The following EP400 variants were observed in gnomAD, a reference collection of about 807,000 sequenced individuals.
The protein encoded by EP400 is E1A-binding protein p400.
EP400 carries 105 observed loss-of-function variants against 354.1 expected under a neutral mutation model. The observed-to-expected ratio is 0.30, with a 90% CI of 0.25 to 0.35. EP400 has a LOEUF of 0.35. EP400 is among the 10% of genes least tolerant of loss of function. The pLI is 1.00. For missense variants in EP400, 3,280 were observed against 4,121.0 expected (o/e 0.80, Z 5.59); for synonymous variants, 1,646 against 1,716.9 (o/e 0.96, Z 1.02).
At chr12:131,952,302 CAA>C (rs927214848) in intron 1 of EP400, among the ~76,000 whole-genome samples, 8,789 of 46,156 alleles carry the variant, frequency 0.19, 117 homozygotes, top group African/African-American at 0.26. Context: ...GACTCTGTCT[CAA>C]AAAAAAAAAA....
chr12:131,995,206 A>C (rs1222008156), intron 12 of EP400, among the ~76,000 whole-genome samples: 1 of 152,184 alleles, frequency 6.6e-6, no homozygotes, highest in African/African-American at 2.4e-5. Context: ...TGTACCGTTC[A>C]TCTTGAGTGT....
intron 45 of EP400, among the ~76,000 whole-genome samples, chr12:132,058,141 C>T (rs1895574634): frequency 6.6e-6 from 1 of 151,666 alleles, no homozygotes; most frequent in African/African-American, 2.4e-5. Flanking sequence ...GAATGCAGGG[C>T]CAGTCTTGTG....
Position 131,990,148 on chromosome 12 carries a change from G to C in EP400, c.2550+44G>C, listed in dbSNP as rs199509215. On this transcript the variant is annotated intron_variant, in intron 8 of 52. Coordinates refer to ENST00000389561, the MANE Select transcript of EP400 (RefSeq NM_015409.5). The surrounding 1 kb of genome is among the most constrained non-coding windows in gnomAD (Gnocchi z 4.2). ...ATGGGGTCGTAAGAATCAGTCTGTC[G>C]GAGCTGGTGAGGCCACTTCCCGAGA... The C allele has an allele frequency of 6.4e-7, 1 of 1,566,430 alleles. No homozygotes were observed. Among genetic ancestry groups the C allele is most frequent in the South Asian group, 1.2e-5 (1 of 84,088 alleles).
In EP400 at chr12:132,032,158, C is replaced by T. The variant is rs761007033; in HGVS notation, c.5951+9C>T. 2.7e-5 allele frequency: 43 copies of T among 1,608,106 alleles called. No individual in the cohort carries two copies. The highest frequency in any genetic ancestry group is 3.6e-5 in the Non-Finnish European group (42 of 1,176,140). On this transcript the variant is annotated intron_variant, in intron 30 of 52. Transcript: ENST00000389561. ...GACATCCACATATACAGGTGAGGGC[C>T]TGCGGGGGATAGGATCAGGAGATGC... is the stretch of plus-strand genomic sequence containing the variant.
Position 131,994,956 on chromosome 12 carries a change from G to A in EP400, c.2827G>A (p.Ala943Thr), listed in dbSNP as rs1186771119. 1.2e-6 allele frequency: 2 copies of A among 1,613,490 alleles called. No individual in the cohort carries two copies. The highest frequency in any genetic ancestry group is 1.1e-5 in the South Asian group (1 of 90,998). The stretch of plus-strand genomic sequence containing the variant: ...AGAACTTTCTAATTTAGCCAAGGAA[G>A]GTAGGCTGTTGCTACCTTATTAAAC... ...QTELSNLAKE[A>T]ELPLLDLMKL... The change falls in exon 12 of 53, where the codon GCT becomes ACT. Residue 943 changes from alanine to threonine, a missense_variant and splice_region_variant. By Grantham distance (58) the Ala-to-Thr change is moderately conservative (BLOSUM62 0). Coordinates refer to ENST00000389561, the MANE Select transcript of EP400 (RefSeq NM_015409.5). The surrounding 1 kb of genome is among the most constrained non-coding windows in gnomAD (Gnocchi z 4.6).
In EP400 at chr12:132,078,861, G is replaced by A. The variant is rs1896312376; in HGVS notation, c.*1188G>A. The A allele has an allele frequency of 1.3e-5, 2 of 152,156 alleles. No individual in the cohort carries two copies. Among genetic ancestry groups the A allele is most frequent in the South Asian group, 4.1e-4 (2 of 4,826 alleles). The allele number at this position is 152,156 out of a possible 1,614,324, so 9.4% of individuals were successfully genotyped here. On this transcript the variant is annotated 3_prime_UTR_variant, in exon 53 of 53. Coordinates refer to ENST00000389561, the MANE Select transcript of EP400 (RefSeq NM_015409.5). The stretch of plus-strand genomic sequence containing the variant: ...AAAACGAAGCCCAGTATTTGCTACT[G>A]TTTTTCCTTTTTTTACTATGACAGG...
Position 132,023,948 on chromosome 12 carries a change from A to G in EP400, c.4855+7A>G. The stretch of plus-strand genomic sequence containing the variant: ...CAGCCGCTGCAGCTGCAAGGTAAGG[A>G]TAAGGATGAGAGAGCACTGATGCCA... On this transcript the variant is annotated splice_region_variant and intron_variant, in intron 24 of 52. Coordinates refer to ENST00000389561, the MANE Select transcript of EP400 (RefSeq NM_015409.5). 6.3e-7 allele frequency: 1 copy of G among 1,597,936 alleles called. No homozygotes were observed. The highest frequency in any genetic ancestry group is 8.5e-7 in the Non-Finnish European group (1 of 1,171,840).
chr12:131,962,524 C>T lies in EP400; in HGVS notation c.1335+570C>T, dbSNP rs1891924230. On this transcript the variant is annotated intron_variant, in intron 2 of 52. Transcript: ENST00000389561. ...TTCATCATTAAAATAGTTATTATGG[C>T]AAAAAACTGTTTGAGAAGTTATTCA... is the stretch of plus-strand genomic sequence containing the variant. Among the ~76,000 whole-genome samples, 2 of 152,088 alleles carry T rather than the reference C, an allele frequency of 1.3e-5. 1 individual carries two copies. The highest frequency in any genetic ancestry group is 2.9e-5 in the Non-Finnish European group (2 of 68,018).
chr12:132,058,558 G>T (rs1895589805), intron 45 of EP400, among the ~76,000 whole-genome samples: 2 of 151,934 alleles, frequency 1.3e-5, no homozygotes, highest in African/African-American at 4.8e-5. Flanking sequence ...CACCATCTTG[G>T]CCTGGCTGGT....
intron 45 of EP400, among the ~76,000 whole-genome samples, chr12:132,057,624 C>T (rs929415071): frequency 4.6e-5 from 7 of 152,208 alleles, no homozygotes; most frequent in African/African-American, 1.2e-4. Flanking sequence ...CTAAAACACT[C>T]TTAAGCAGTA....
At chr12:131,960,216 TCA>T (rs1209855673) in intron 1 of EP400, among the ~76,000 whole-genome samples, 2 of 152,192 alleles carry the variant, frequency 1.3e-5, no homozygotes, top group African/African-American at 4.8e-5. Context: ...CTCCTGTAGC[TCA>T]GTCTCCTAGT....
In EP400 at chr12:132,037,997, T is replaced by G. The variant is rs1894772994; in HGVS notation, c.6108T>G (p.Asp2036Glu). The change falls in exon 32 of 53, where the codon GAT becomes GAG. Residue 2036 changes from aspartate to glutamate, a missense_variant. By Grantham distance (45) the Asp-to-Glu change is conservative. Coordinates refer to ENST00000389561, the MANE Select transcript of EP400 (RefSeq NM_015409.5). ...TTGAAGTTTATTCTCCCATGGATGA[T>G]GCTGGCTTCCCGGTCAAAGCTGAGG... The part of the protein sequence containing the change: ...ELFEVYSPMD[D>E]AGFPVKAEEF... 1 of 1,614,124 alleles carries G rather than the reference T, an allele frequency of 6.2e-7. No individual in the cohort carries two copies. The highest frequency in any genetic ancestry group is 1.3e-5 in the African/African-American group (1 of 74,946).
intron 51 of EP400, among the ~76,000 whole-genome samples, chr12:132,072,484 A>G (rs961072567): frequency 1.1e-4 from 17 of 152,168 alleles, no homozygotes; most frequent in African/African-American, 3.9e-4. Context: ...ACTTTTTATT[A>G]TTGACTTAAA....
intron 39 of EP400, among the ~76,000 whole-genome samples, chr12:132,048,021 G>A (rs914989154): frequency 1.2e-4 from 18 of 152,190 alleles, no homozygotes; most frequent in African/African-American, 2.9e-4. Flanking sequence ...CTGGCTCACC[G>A]GCAGTCAGAG....
chr12:132,002,472 A>T (rs1168193683), intron 12 of EP400, among the ~76,000 whole-genome samples: 1 of 151,938 alleles, frequency 6.6e-6, no homozygotes, highest in Non-Finnish European at 1.5e-5. Context: ...TCTGTGGGGC[A>T]GAGTTTGGGA....
intron 45 of EP400, among the ~76,000 whole-genome samples, chr12:132,060,932 A>AAAAAC (rs1286199733): frequency 6.6e-6 from 1 of 151,910 alleles, no homozygotes; most frequent in African/African-American, 2.4e-5. Flanking sequence ...AAAAAAAACA[A>AAAAAC]AAAACAAAAC....
chr12:132,018,034 C>T lies in EP400; in HGVS notation c.4111-176C>T, dbSNP rs999195865. Reference sequence around the variant, plus strand: ...TGCACGCTCATCAGCAGAGCTTCACCAAGGGTGTGGCAGCACCTGTGTATT... The same window carrying T: ...TGCACGCTCATCAGCAGAGCTTCACTAAGGGTGTGGCAGCACCTGTGTATT... On this transcript the variant is annotated intron_variant, in intron 20 of 52. Transcript: ENST00000389561. This position sits in a 1 kb window ranked among gnomAD's most constrained non-coding sequence, Gnocchi z 4.0. Among the ~76,000 whole-genome samples the T allele has an allele frequency of 2.0e-5, 3 of 152,214 alleles. No individual in the cohort carries two copies. Among genetic ancestry groups the T allele is most frequent in the Non-Finnish European group, 1.5e-5 (1 of 68,036 alleles).
intron 25 of EP400, among the ~76,000 whole-genome samples, chr12:132,026,669 G>A (rs1200888003): frequency 1.3e-5 from 2 of 152,088 alleles, no homozygotes; most frequent in South Asian, 2.1e-4. Context: ...TCACTGTCCC[G>A]TGGAAGCCCT....
chr12:132,076,840 G>A (rs778744119), intron 52 of EP400, among the ~76,000 whole-genome samples: 17 of 152,198 alleles, frequency 1.1e-4, no homozygotes, highest in Admixed American at 5.9e-4. Context: ...ACTGATCATC[G>A]CGGGTGTGTC....
Sources: gnomAD v4.1 joint callset for allele counts (sites outside exome capture counted in the v4.1 genomes callset) on GRCh38, gnomAD v4.1.1 for gene constraint, Gnocchi (gnomAD v3.1) non-coding constraint, MANE v1.5 for transcripts, NCBI Gene and HGNC (gene_info 2026-07-23, HGNC 2026-07-21) for gene names.